SERPINA9: variants seen among roughly 807,000 people sequenced by gnomAD.
SERPINA9 encodes serpin A9.
SERPINA9 carries 32 observed loss-of-function variants against 24.5 expected under a neutral mutation model. The ratio of observed to expected loss-of-function variants is 1.30; its 90% CI spans 0.98 to 1.75. The LOEUF (loss-of-function observed/expected upper bound fraction) is 1.75. SERPINA9 is among the 40% of genes most tolerant of loss of function. The pLI is 0.00. For synonymous variants in SERPINA9, 233 were observed against 197.7 expected, an observed-to-expected ratio of 1.18 and a Z score of -1.50; for missense variants, 594 against 497.1, an observed-to-expected ratio of 1.19 and a Z score of -1.85.
chr14:94,475,948 C>G (rs1368240462), intron 1 of SERPINA9, 188 bp downstream of exon 1: 10 of 748,096 alleles, frequency 1.3e-5, no homozygotes, highest in Non-Finnish European at 1.8e-5. Flanking sequence ...CTGGTCCACT[C>G]CAGCCTGGCT....
At chr14:94,475,430 A>G (rs555700447) in intron 1 of SERPINA9, among the ~76,000 whole-genome samples, 4 of 70,622 alleles carry the variant, frequency 5.7e-5, no homozygotes, top group African/African-American at 1.6e-4. Context: ...GCACACACAC[A>G]CACACATACA....
At chr14:94,466,561 T>C (rs1899013809) in intron 3 of SERPINA9, among the ~76,000 whole-genome samples, 2 of 152,224 alleles carry the variant, frequency 1.3e-5, no homozygotes. Context: ...ATTAATCTTT[T>C]TGCTATTCTC....
rs762331920 is a variant in SERPINA9, at chr14:94,464,831, C to A, written c.926G>T (p.Arg309Ile). Reference protein sequence around the residue: ...QKRWIEVFIPRFSISASYNLE... With the variant: ...QKRWIEVFIPIFSISASYNLE... ...ATTGTAGGAGGCAGAAATGGAAAAT[C>A]TGGGGATGAACACCTCTATCCACCT... is the stretch of plus-strand genomic sequence containing the variant. Residue 309 changes from arginine (R) to isoleucine (I), a missense_variant, in exon 4 of 5, where the codon AGA becomes ATA. Transcript: ENST00000674397. The A allele has an allele frequency of 6.2e-7, 1 of 1,613,846 alleles. No individual in the cohort carries two copies. The highest frequency in any genetic ancestry group is 2.2e-5 in the East Asian group (1 of 44,860).
intron 3 of SERPINA9, among the ~76,000 whole-genome samples, chr14:94,465,270 G>A (rs1358190633): frequency 6.6e-6 from 1 of 152,184 alleles, no homozygotes; most frequent in Non-Finnish European, 1.5e-5. Context: ...AACTTCCTGT[G>A]ATGCTGGGAA....
At chr14:94,472,805 A>G (rs1566795802) in intron 1 of SERPINA9, among the ~76,000 whole-genome samples, 2 of 152,178 alleles carry the variant, frequency 1.3e-5, no homozygotes, top group African/African-American at 4.8e-5. Context: ...AGCAAGGTAA[A>G]AGGGAAAAGC....
Position 94,469,193 on chromosome 14 carries a change from T to A in SERPINA9, c.628+20A>T, listed in dbSNP as rs761527948. Reference sequence around the variant, plus strand: ...TCATCATAAAATAAATAAATAAAAATCAACTTCTCAAATCCTTACCTTTAA... The same window carrying A: ...TCATCATAAAATAAATAAATAAAAAACAACTTCTCAAATCCTTACCTTTAA... On this transcript the variant is annotated intron_variant, in intron 2 of 4. Coordinates refer to ENST00000674397, the MANE Select transcript of SERPINA9 (RefSeq NM_175739.4). 1.3e-6 allele frequency: 2 copies of A among 1,581,206 alleles called. No individual in the cohort carries two copies. The highest frequency in any genetic ancestry group is 2.2e-5 in the East Asian group (1 of 44,578).
intron 1 of SERPINA9, among the ~76,000 whole-genome samples, chr14:94,472,396 C>A (rs1899365610): frequency 6.6e-6 from 1 of 152,188 alleles, no homozygotes; most frequent in Admixed American, 6.5e-5. Flanking sequence ...TCCCTGGCTC[C>A]CCTCTCCTGT....
At chr14:94,472,768 G>C (rs530796227) in intron 1 of SERPINA9, among the ~76,000 whole-genome samples, 8 of 152,326 alleles carry the variant, frequency 5.3e-5, no homozygotes, top group African/African-American at 1.9e-4. Context: ...AGTGGAAGTG[G>C]CAGCTGATTG....
intron 3 of SERPINA9, among the ~76,000 whole-genome samples, chr14:94,466,754 C>A (rs17825476): frequency 0.088 from 13,352 of 152,232 alleles, 733 homozygotes; most frequent in Middle Eastern, 0.19. Flanking sequence ...TATGTGACCA[C>A]CAATGCTTTT....
intron 1 of SERPINA9, among the ~76,000 whole-genome samples, chr14:94,472,097 G>A (rs1022117365): frequency 6.6e-6 from 1 of 152,114 alleles, no homozygotes; most frequent in African/African-American, 2.4e-5. Flanking sequence ...GGCTCTTAAA[G>A]AGTTCTCTGG....
At chr14:94,469,127 T>G in intron 2 of SERPINA9, 86 bp downstream of exon 2, 1 of 1,236,744 alleles carries the variant, frequency 8.1e-7, no homozygotes, top group Non-Finnish European at 1.1e-6. Context: ...AGTCTAGGGT[T>G]TGTCTGGCTT....
intron 2 of SERPINA9, 122 bp from the exon 3 acceptor site, chr14:94,467,504 A>G: frequency 1.2e-6 from 1 of 850,854 alleles, no homozygotes. Context: ...TGACAAAAAA[A>G]TGCTCTGATA....
chr14:94,469,754 T>C lies in SERPINA9; in HGVS notation c.87A>G (p.Ala29=), dbSNP rs985959849. 2.4e-5 allele frequency: 37 copies of C among 1,566,046 alleles called. No homozygotes were observed. Among genetic ancestry groups the C allele is most frequent in the Admixed American group, 1.8e-5 (1 of 55,156 alleles). The change falls in exon 2 of 5, where the codon GCA becomes GCG. Residue 29 remains alanine, a synonymous_variant. Coordinates refer to ENST00000674397, the MANE Select transcript of SERPINA9 (RefSeq NM_175739.4). The stretch of plus-strand genomic sequence containing the variant: ...TCTTTGTGGAGGAAGGGCGGGGGTA[T>C]GCACTGGGGGCATTGGCCGGGGACA... The part of the protein sequence containing the change: ...YCVSPANAPS[A]YPRPSSTKST...
intron 3 of SERPINA9, 128 bp from the exon 4 acceptor site, chr14:94,464,982 C>T (rs1898933044): frequency 2.6e-6 from 2 of 778,808 alleles, no homozygotes; most frequent in Non-Finnish European, 4.0e-6. Flanking sequence ...AAAAGGTCAA[C>T]ACATCCTAGC....
chr14:94,468,512 A>T (rs1020406341), intron 2 of SERPINA9, among the ~76,000 whole-genome samples: 2 of 152,198 alleles, frequency 1.3e-5, no homozygotes, highest in Non-Finnish European at 2.9e-5. Flanking sequence ...TCATCAGAGT[A>T]TCCAGTCAGC....
Position 94,463,155 on chromosome 14 carries a change from T to C in SERPINA9, c.1192A>G (p.Thr398Ala), listed in dbSNP as rs1898822429. The C allele has an allele frequency of 2.5e-6, 4 of 1,614,118 alleles. No individual in the cohort carries two copies. The highest frequency in any genetic ancestry group is 1.1e-5 in the South Asian group (1 of 91,088). ...SFNRTFLMMITNKATDGILFL... is the reference protein window; with the variant it reads ...SFNRTFLMMIANKATDGILFL... ...AGAATACCGTCTGTGGCTTTATTTG[T>C]AATCATCATCAGGAAGGTCCTATTG... is the stretch of plus-strand genomic sequence containing the variant. Residue 398 changes from threonine to alanine, a missense_variant, in exon 5 of 5, where the codon ACA (threonine) becomes GCA (alanine). Physicochemically the swap from Thr to Ala is moderately conservative, Grantham distance 58. Transcript: ENST00000674397.
chr14:94,464,952 A>G (rs1333255379), intron 3 of SERPINA9, 98 bp from the exon 4 acceptor site: 2 of 1,029,948 alleles, frequency 1.9e-6, no homozygotes, highest in East Asian at 2.6e-5. Flanking sequence ...TCTTCCTCCA[A>G]CCACTGCTAA....
chr14:94,463,323 G>C (rs11624364), intron 4 of SERPINA9, 27 bp from the exon 5 acceptor site: 3 of 1,603,342 alleles, frequency 1.9e-6, no homozygotes, highest in Non-Finnish European at 2.6e-6. Flanking sequence ...AAACATCAGT[G>C]GCCCTAGTGG....
At chr14:94,473,703 G>T (rs545083640) in intron 1 of SERPINA9, among the ~76,000 whole-genome samples, 1 of 152,184 alleles carries the variant, frequency 6.6e-6, no homozygotes, top group Non-Finnish European at 1.5e-5. Flanking sequence ...TGACAAGCTG[G>T]GGTCTACTGT....
Sources: gnomAD v4.1 joint callset for allele counts (sites outside exome capture counted in the v4.1 genomes callset) on GRCh38, gnomAD v4.1.1 for gene constraint, MANE v1.5 for transcripts, NCBI Gene and HGNC (gene_info 2026-07-23, HGNC 2026-07-21) for gene names.